The following PTPRJ variants were observed in gnomAD, a reference collection of about 807,000 sequenced individuals.
The protein encoded by PTPRJ is protein tyrosine phosphatase receptor type J.
A neutral mutation model predicts 141.3 loss-of-function variants in PTPRJ; 129 were observed. The observed-to-expected ratio is 0.91, with a 90% confidence interval of 0.79 to 1.06. The LOEUF (loss-of-function observed/expected upper bound fraction) is 1.06, where lower values mean the gene tolerates loss of function less well. Among genes scored for constraint, PTPRJ ranks in the 50% least tolerant of loss-of-function variants. The probability of loss-of-function intolerance (pLI) is 0.00; values close to 1 mark genes in which losing one functional copy is unlikely to be tolerated. For synonymous variants in PTPRJ, 610 were observed against 640.5 expected, an observed-to-expected ratio of 0.95 and a Z score of 0.72; for missense variants, 1,601 against 1,679.7, an observed-to-expected ratio of 0.95 and a Z score of 0.82.
intron 1 of PTPRJ, among the ~76,000 whole-genome samples, chr11:48,005,590 C>G (rs927940513): frequency 2.6e-5 from 4 of 152,130 alleles, no homozygotes; most frequent in African/African-American, 9.7e-5. Flanking sequence ...TTTGTTTATC[C>G]TTTTATGAGC....
chr11:48,160,195 A>C, intron 22 of PTPRJ, 146 bp downstream of exon 22: 1 of 1,108,372 alleles, frequency 9.0e-7, no homozygotes, highest in Non-Finnish European at 1.3e-6. Flanking sequence ...AGAACAATCC[A>C]TATGCATGTA....
intron 3 of PTPRJ, among the ~76,000 whole-genome samples, chr11:48,119,740 A>G (rs1372637140): frequency 6.6e-6 from 1 of 152,104 alleles, no homozygotes; most frequent in East Asian, 1.9e-4. Flanking sequence ...GAATGTTTGT[A>G]TATCCCATGA....
chr11:48,029,512 C>T (rs994144103), intron 1 of PTPRJ, among the ~76,000 whole-genome samples: 2 of 152,082 alleles, frequency 1.3e-5, no homozygotes, highest in East Asian at 1.9e-4. Context: ...TCTTCAAACC[C>T]GCATCTCTTA....
intron 1 of PTPRJ, among the ~76,000 whole-genome samples, chr11:48,066,247 C>T (rs1376409651): frequency 6.6e-6 from 1 of 152,230 alleles, no homozygotes; most frequent in African/African-American, 2.4e-5. Context: ...CCCACTCCTC[C>T]TCCAGTGCTC....
chr11:48,089,385 G>T (rs1031210602), intron 1 of PTPRJ, among the ~76,000 whole-genome samples: 1 of 151,970 alleles, frequency 6.6e-6, no homozygotes, highest in South Asian at 2.1e-4. Context: ...GCATAATGGT[G>T]CAGGCCTGTG....
intron 16 of PTPRJ, 100 bp from the exon 17 acceptor site, chr11:48,149,890 C>A: frequency 2.2e-6 from 2 of 906,566 alleles, no homozygotes; most frequent in South Asian, 1.7e-5. Flanking sequence ...CAAATTATAC[C>A]CTGGGTTTTG....
At chr11:48,009,795 G>A (rs751988044) in intron 1 of PTPRJ, among the ~76,000 whole-genome samples, 17 of 152,220 alleles carry the variant, frequency 1.1e-4, no homozygotes, top group Non-Finnish European at 2.2e-4. Flanking sequence ...CTGTTAAGTG[G>A]GACTAGTACC....
chr11:48,131,391 T>C (rs1166578575), intron 8 of PTPRJ: 5 of 663,310 alleles, frequency 7.5e-6, no homozygotes, highest in Admixed American at 6.8e-5. Context: ...CCCACAAATA[T>C]ATATTTATTT....
In PTPRJ at chr11:47,982,068, A is replaced by G. The variant is rs549791091; in HGVS notation, c.96+1060A>G. 1.1e-4 allele frequency among the ~76,000 whole-genome samples: 17 copies of G among 151,566 alleles called. No individual in the cohort carries two copies. In the South Asian group the frequency reaches 3.5e-3, roughly 31 times the overall value. On this transcript the variant is annotated intron_variant, in intron 1 of 24. Coordinates refer to ENST00000418331, the MANE Select transcript of PTPRJ (RefSeq NM_002843.4). ...CAGGGAAAACTTCTCCAGCGCGAAT[A>G]CAGGAGAGAGCAGAAGCATCACCCT...
At chr11:48,040,847 C>T (rs1453215088) in intron 1 of PTPRJ, among the ~76,000 whole-genome samples, 2 of 152,210 alleles carry the variant, frequency 1.3e-5, no homozygotes, top group East Asian at 3.9e-4. Flanking sequence ...AGTGATCTGC[C>T]CGCCTCGGCC....
At chr11:48,093,327 A>G (rs906340484) in intron 1 of PTPRJ, among the ~76,000 whole-genome samples, 3 of 152,220 alleles carry the variant, frequency 2.0e-5, no homozygotes, top group African/African-American at 7.2e-5. Context: ...TCTCAATCAA[A>G]TATTTTGTGA....
chr11:48,135,876 C>T (rs554015605), intron 8 of PTPRJ, among the ~76,000 whole-genome samples, 163 bp from the exon 9 acceptor site: 86 of 152,212 alleles, frequency 5.7e-4, no homozygotes, highest in African/African-American at 1.8e-3. Context: ...TTCTTGAGAG[C>T]ACTGAGTGTG....
At chr11:48,091,099 G>A (rs1042424338) in intron 1 of PTPRJ, among the ~76,000 whole-genome samples, 4 of 152,186 alleles carry the variant, frequency 2.6e-5, no homozygotes, top group African/African-American at 7.2e-5. Flanking sequence ...GATGAAAGGC[G>A]GAGGGTGTGT....
intron 3 of PTPRJ, among the ~76,000 whole-genome samples, chr11:48,119,018 C>CA (rs59349969): frequency 0.61 from 53,071 of 87,058 alleles, 16,741 homozygotes; most frequent in East Asian, 0.75. Context: ...GACTTCGTCT[C>CA]AAAAAAAAAA....
At chr11:48,054,389 A>G (rs1245109169) in intron 1 of PTPRJ, among the ~76,000 whole-genome samples, 1 of 152,184 alleles carries the variant, frequency 6.6e-6, no homozygotes, top group Admixed American at 6.5e-5. Context: ...TATGAAGGAG[A>G]GGTCATCTTG....
At chr11:48,055,744 C>A (rs1319801698) in intron 1 of PTPRJ, among the ~76,000 whole-genome samples, 1 of 152,180 alleles carries the variant, frequency 6.6e-6, no homozygotes, top group Non-Finnish European at 1.5e-5. Flanking sequence ...CCAGAAAAGG[C>A]CACTGGGCTA....
chr11:48,101,542 G>A (rs1856148674), intron 1 of PTPRJ, among the ~76,000 whole-genome samples: 1 of 152,220 alleles, frequency 6.6e-6, no homozygotes, highest in Non-Finnish European at 1.5e-5. Context: ...TTAGCATTTT[G>A]TGGTCAGTCA....
Position 48,136,310 on chromosome 11 carries a change from G to GA in PTPRJ, c.1873+15dup, listed in dbSNP as rs1857102159. The GA allele has an allele frequency of 6.2e-7, 1 of 1,611,412 alleles. No homozygotes were observed. The highest frequency in any genetic ancestry group is 1.1e-5 in the South Asian group (1 of 90,962). On this transcript the variant is annotated intron_variant, in intron 9 of 24. Coordinates refer to ENST00000418331, the MANE Select transcript of PTPRJ (RefSeq NM_002843.4). Reference sequence around the variant, plus strand: ...CACAGTACACACGTAAGTCTCTTAGGATGCCCTTCTAAGGAACAGCCTCTC... The same window carrying GA: ...CACAGTACACACGTAAGTCTCTTAGGAATGCCCTTCTAAGGAACAGCCTCTC...
At chr11:48,026,965 A>G (rs1349704275) in intron 1 of PTPRJ, among the ~76,000 whole-genome samples, 1 of 145,602 alleles carries the variant, frequency 6.9e-6, no homozygotes, top group Non-Finnish European at 1.5e-5. Context: ...CTCCATGACA[A>G]TGGCCTGATT....
Sources: gnomAD v4.1 joint callset for allele counts (sites outside exome capture counted in the v4.1 genomes callset) on GRCh38, gnomAD v4.1.1 for gene constraint, MANE v1.5 for transcripts, NCBI Gene and HGNC (gene_info 2026-07-23, HGNC 2026-07-21) for gene names.